The following SLC26A8 variants were observed in gnomAD, a reference collection of about 807,000 sequenced individuals.
The protein encoded by SLC26A8 is solute carrier family 26 member 8, also known as testis anion transporter 1.
SLC26A8 carries 70 observed loss-of-function variants against 105.0 expected under a neutral mutation model. The observed-to-expected ratio is 0.67, with a 90% CI of 0.55 to 0.81. The LOEUF (loss-of-function observed/expected upper bound fraction) is 0.81, where lower values mean the gene tolerates loss of function less well. Ranked by LOEUF, SLC26A8 falls within the 40% of genes least tolerant of loss-of-function variation. SLC26A8 has a pLI of 0.00. For missense variants in SLC26A8, 998 were observed against 1,181.8 expected, an observed-to-expected ratio of 0.84 and a Z score of 2.28; for synonymous variants, 415 against 438.3, an observed-to-expected ratio of 0.95 and a Z score of 0.66.
rs150984219 is a variant in SLC26A8, at chr6:36,022,856, C to T, written c.-3+1648G>A. On this transcript the variant is annotated intron_variant, in intron 1 of 19. Transcript: ENST00000490799. ...GACACTTCCCAAGAAGATGCAATGA[C>T]CAGAAACTCCTACTGTTGAGTAGGC... is the stretch of plus-strand genomic sequence containing the variant. Among the ~76,000 whole-genome samples, 42 of 151,360 alleles carry T rather than the reference C, an allele frequency of 2.8e-4. No homozygotes were observed. The East Asian group carries it at 6.2e-3, about 22-fold the overall frequency.
intron 3 of SLC26A8, among the ~76,000 whole-genome samples, chr6:36,009,930 T>C (rs76368622): frequency 0.025 from 3,796 of 152,286 alleles, 178 homozygotes; most frequent in African/African-American, 0.086. Flanking sequence ...AAAGTTTGAT[T>C]TTAAAAATAT....
chr6:35,980,066 G>A (rs577878646), intron 8 of SLC26A8, among the ~76,000 whole-genome samples: 3 of 152,226 alleles, frequency 2.0e-5, no homozygotes, highest in East Asian at 1.9e-4. Flanking sequence ...TCCAACTCCC[G>A]GGTTCAAGTG....
intron 3 of SLC26A8, among the ~76,000 whole-genome samples, chr6:36,003,605 C>T (rs1461442465): frequency 6.6e-6 from 1 of 152,078 alleles, no homozygotes; most frequent in Admixed American, 6.6e-5. Context: ...CACCACCTCT[C>T]CCCACAGAAG....
At chr6:35,984,486 C>A (rs1773413325) in intron 7 of SLC26A8, among the ~76,000 whole-genome samples, 1 of 151,892 alleles carries the variant, frequency 6.6e-6, no homozygotes, top group African/African-American at 2.4e-5. Flanking sequence ...CTATGCCCAG[C>A]TAATTTTTTT....
In SLC26A8 at chr6:35,996,245, T is replaced by G. The variant is rs1173942224; in HGVS notation, c.627+1493A>C. On this transcript the variant is annotated intron_variant, in intron 5 of 19. Transcript: ENST00000490799. ...TGCCTTTGTAGGTACCCAATAAATC[T>G]TTACTTAGTGAAAGACAGTCCCAGG... Among the ~76,000 whole-genome samples the G allele has an allele frequency of 2.0e-5, 3 of 152,120 alleles. No homozygotes were observed. The East Asian group carries it at 5.8e-4, about 29-fold the overall frequency.
In SLC26A8 at chr6:35,975,434, C is replaced by T. The variant is rs1291428849; in HGVS notation, c.1228G>A (p.Val410Met). Residue 410 changes from valine to methionine, a missense_variant, in exon 10 of 20, where the codon GTG becomes ATG. Val to Met is a conservative substitution (Grantham distance 21). Coordinates refer to ENST00000490799, the MANE Select transcript of SLC26A8 (RefSeq NM_052961.4). ...NVVSSFFRSC[V>M]FTGAIARTII... ...GTCCTAGCAATAGCACCAGTAAACA[C>T]ACAAGATCTGAAAAATGAACTGACG... 1 of 1,613,728 alleles carries T rather than the reference C, an allele frequency of 6.2e-7. No homozygotes were observed. Among genetic ancestry groups the T allele is most frequent in the Non-Finnish European group, 8.5e-7 (1 of 1,179,802 alleles).
chr6:35,999,268 A>T (rs1313249488), intron 4 of SLC26A8, among the ~76,000 whole-genome samples: 1 of 152,136 alleles, frequency 6.6e-6, no homozygotes, highest in Non-Finnish European at 1.5e-5. Context: ...GAACATAAAA[A>T]CATATATAAA....
At chr6:36,013,049 T>C (rs899120959) in intron 2 of SLC26A8, among the ~76,000 whole-genome samples, 2 of 152,114 alleles carry the variant, frequency 1.3e-5, no homozygotes, top group Non-Finnish European at 2.9e-5. Flanking sequence ...TAGAAATTAG[T>C]AGAAAATAGA....
Position 35,977,468 on chromosome 6 carries a change from A to G in SLC26A8, c.1026-117T>C, listed in dbSNP as rs79244374. 7.6e-4 allele frequency: 864 copies of G among 1,143,294 alleles called. 4 individuals carry two copies. The African/African-American group carries it at 0.011, about 14-fold the overall frequency. 70.8% of individuals were successfully genotyped at this position (1,143,294 alleles called of 1,614,324 possible). ...TTTTTTTTTTTTTTTTAATAACAAT[A>G]GGGACAAGCGGAGTGATTGAGGCAG... On this transcript the variant is annotated intron_variant, in intron 8 of 19. Coordinates refer to ENST00000490799, the MANE Select transcript of SLC26A8 (RefSeq NM_052961.4).
chr6:35,961,513 C>T (rs1320606600), intron 12 of SLC26A8, among the ~76,000 whole-genome samples: 2 of 152,186 alleles, frequency 1.3e-5, no homozygotes, highest in Non-Finnish European at 2.9e-5. Flanking sequence ...GCACCTTCTC[C>T]ATTACTTCAT....
At chr6:35,986,056 C>T (rs140378872) in intron 7 of SLC26A8, among the ~76,000 whole-genome samples, 74 of 47,516 alleles carry the variant, frequency 1.6e-3, no homozygotes, top group African/African-American at 5.3e-3. Flanking sequence ...TTTTTTGAGA[C>T]GGAGTTTTGC....
At chr6:35,988,910 G>A (rs1046587428) in intron 7 of SLC26A8, among the ~76,000 whole-genome samples, 1 of 145,242 alleles carries the variant, frequency 6.9e-6, no homozygotes, top group Non-Finnish European at 1.5e-5. Context: ...GTGCAATCTC[G>A]GCTCACTGCA....
At chr6:35,991,143 G>C (rs2127347996) in intron 7 of SLC26A8, among the ~76,000 whole-genome samples, 1 of 152,264 alleles carries the variant, frequency 6.6e-6, no homozygotes. Flanking sequence ...GCTCACGCCT[G>C]TAATCCTAGC....
In SLC26A8 at chr6:35,982,191, T is replaced by A. The variant is rs149769574; in HGVS notation, c.955A>T (p.Thr319Ser). ...ATGCTTATCTTGTTTGCAATCACAGTGAAGCCAATAATCTGTAGGGGGTAA... is the reference window on the plus strand; with the variant it reads ...ATGCTTATCTTGTTTGCAATCACAGAGAAGCCAATAATCTGTAGGGGGTAA... ...PMELFLIIGF[T>S]VIANKISMAT... Residue 319 changes from threonine (T) to serine (S), a missense_variant, in exon 8 of 20, where the codon ACT becomes TCT. Coordinates refer to ENST00000490799, the MANE Select transcript of SLC26A8 (RefSeq NM_052961.4). 2.2e-5 allele frequency: 36 copies of A among 1,613,672 alleles called. No homozygotes were observed. The highest frequency in any genetic ancestry group is 3.0e-5 in the Non-Finnish European group (35 of 1,179,958).
At chr6:35,966,984 G>GA (rs1288137051) in intron 11 of SLC26A8, among the ~76,000 whole-genome samples, 1 of 152,174 alleles carries the variant, frequency 6.6e-6, no homozygotes, top group Non-Finnish European at 1.5e-5. Flanking sequence ...TAGTTGTAAA[G>GA]AAAAAATATC....
Position 35,952,017 on chromosome 6 carries a change from A to G in SLC26A8, c.2233-518T>C, listed in dbSNP as rs550691837. Reference sequence around the variant, plus strand: ...ATCTACAGTGCTGGGAATGCAAAAGAGAATCAGACCGTGTCATGTGAGGGT... The same window carrying G: ...ATCTACAGTGCTGGGAATGCAAAAGGGAATCAGACCGTGTCATGTGAGGGT... On this transcript the variant is annotated intron_variant, in intron 17 of 19. Coordinates refer to ENST00000490799, the MANE Select transcript of SLC26A8 (RefSeq NM_052961.4). Among the ~76,000 whole-genome samples, 19 of 152,320 alleles carry G rather than the reference A, an allele frequency of 1.2e-4. No individual in the cohort carries two copies. In the South Asian group the frequency reaches 3.9e-3, roughly 32 times the overall value.
intron 3 of SLC26A8, among the ~76,000 whole-genome samples, chr6:36,003,336 C>G (rs563238756): frequency 1.1e-4 from 16 of 152,298 alleles, no homozygotes; most frequent in Non-Finnish European, 1.9e-4. Context: ...ATATCTGATA[C>G]ACATCATGTG....
At chr6:35,997,468 C>T (rs1179816545) in intron 5 of SLC26A8, among the ~76,000 whole-genome samples, 2 of 152,126 alleles carry the variant, frequency 1.3e-5, no homozygotes, top group African/African-American at 4.8e-5. Flanking sequence ...TGCTCTGGAC[C>T]ATCATCCCTT....
In SLC26A8 at chr6:36,019,665, T is replaced by TAG; in HGVS notation, c.41_42dup (p.Lys15LeufsTer36). On this transcript the variant is annotated frameshift_variant, in exon 2 of 20. Coordinates refer to ENST00000490799, the MANE Select transcript of SLC26A8 (RefSeq NM_052961.4). LOFTEE classifies it high-confidence loss of function. ...TATGCGAATGAGTTTCGCCTGGACT[T>TAG]AGAGCTGAAGCCAGAGATGGCGCTC... The TAG allele has an allele frequency of 6.2e-7, 1 of 1,614,144 alleles. No homozygotes were observed.
Sources: allele counts gnomAD v4.1 joint callset (sites outside exome capture counted in the v4.1 genomes callset), GRCh38; gene constraint gnomAD v4.1.1; transcripts MANE v1.5; gene names NCBI Gene and HGNC (gene_info 2026-07-23, HGNC 2026-07-21).